The following PCDHA2 variants were observed in gnomAD, a reference collection of about 807,000 sequenced individuals.
PCDHA2 encodes the protein protocadherin alpha-2.
PCDHA2 carries 58 observed loss-of-function variants against 66.0 expected under a neutral mutation model. That is an observed-to-expected ratio of 0.88 (90% confidence interval 0.71 to 1.09). PCDHA2 has a LOEUF of 1.09. Ranked by LOEUF, PCDHA2 falls within the 50% of genes least tolerant of loss-of-function variation. The pLI is 0.00. For missense variants in PCDHA2, 1,267 were observed against 1,242.3 expected, an observed-to-expected ratio of 1.02 and a Z score of -0.30; for synonymous variants, 634 against 554.0, an observed-to-expected ratio of 1.14 and a Z score of -2.03.
intron 1 of PCDHA2, chr5:140,807,095 G>A: frequency 7.2e-7 from 1 of 1,383,826 alleles, no homozygotes; most frequent in Non-Finnish European, 9.9e-7. Context: ...TCTGAAATAT[G>A]GAGGATGCAG....
intron 1 of PCDHA2, chr5:140,822,891 C>T: frequency 6.2e-7 from 1 of 1,614,226 alleles, no homozygotes; most frequent in South Asian, 1.1e-5. Context: ...CTCTGATCAG[C>T]GTGTCTGACC....
At chr5:140,871,246 C>T (rs782203109) in intron 1 of PCDHA2, 2 of 1,613,982 alleles carry the variant, frequency 1.2e-6, no homozygotes, top group Non-Finnish European at 1.7e-6. Context: ...ACTCACGCTG[C>T]TGCTGTATAC....
In PCDHA2 at chr5:140,982,530, C is replaced by G; in HGVS notation, c.2503C>G (p.Gln835Glu). The G allele has an allele frequency of 1.2e-6, 2 of 1,614,200 alleles. No homozygotes were observed. The highest frequency in any genetic ancestry group is 3.3e-5 in the Admixed American group (2 of 60,020). ...ILRAGPGGPDQQWPTVSSATP... is the reference protein window; with the variant it reads ...ILRAGPGGPDEQWPTVSSATP... ...ACGGGCTGGTCCAGGAGGGCCTGATCAGCAGTGGCCAACAGTATCCAGTGC... is the reference window on the plus strand; with the variant it reads ...ACGGGCTGGTCCAGGAGGGCCTGATGAGCAGTGGCCAACAGTATCCAGTGC... The change falls in exon 3 of 4, where the codon CAG (glutamine) becomes GAG (glutamate). Residue 835 changes from glutamine to glutamate, a missense_variant. By Grantham distance (29) the Gln-to-Glu change is conservative. Transcript: ENST00000526136.
chr5:140,982,224 A>T, intron 2 of PCDHA2: 1 of 587,320 alleles, frequency 1.7e-6, no homozygotes, highest in South Asian at 3.8e-5. Context: ...TGGCGTTAAT[A>T]AAAAACAGAA....
Position 140,857,690 on chromosome 5 carries a change from T to G in PCDHA2, c.2388+60338T>G, listed in dbSNP as rs184684054. On this transcript the variant is annotated intron_variant, in intron 1 of 3. Transcript: ENST00000526136. ...GGGCGTGCCGCCTCTGGGCAGCAAC[T>G]TGACGCTGCAGGTGTTCGTGCTGGA... 2.4e-3 allele frequency: 3,841 copies of G among 1,597,044 alleles called. 312 individuals are homozygous for G. In the African/African-American group the frequency reaches 0.036, roughly 15 times the overall value.
At chr5:140,929,555 C>A in intron 1 of PCDHA2, 1 of 485,752 alleles carries the variant, frequency 2.1e-6, no homozygotes, top group Non-Finnish European at 3.5e-6. Context: ...AAATTAAAAC[C>A]TATTTAAGAA....
chr5:140,830,593 A>G lies in PCDHA2; in HGVS notation c.2388+33241A>G, dbSNP rs1771152792. 4.2e-6 allele frequency: 3 copies of G among 705,892 alleles called. No individual in the cohort carries two copies. The South Asian group carries it at 1.3e-4, about 30-fold the overall frequency. The allele number at this position is 705,892 out of a possible 1,614,324, so 43.7% of individuals were successfully genotyped here. A position where few individuals can be genotyped will look rare whatever the true frequency, so the allele number is the denominator to read the frequency against. ...TTTTTAATTTTTAATTAATTTTACA[A>G]AATTACATATTTTCATTTTATTGTG... On this transcript the variant is annotated intron_variant, in intron 1 of 3. Coordinates refer to ENST00000526136, the MANE Select transcript of PCDHA2 (RefSeq NM_018905.3).
Position 140,803,182 on chromosome 5 carries a change from C to T in PCDHA2, c.2388+5830C>T, listed in dbSNP as rs17844261. Reference sequence around the variant, plus strand: ...CACGGTGAACCCTCATTGACCGCCACGGCCACTGTGCTGGTGTCGCTGGTG... The same window carrying T: ...CACGGTGAACCCTCATTGACCGCCATGGCCACTGTGCTGGTGTCGCTGGTG... On this transcript the variant is annotated intron_variant, in intron 1 of 3. Coordinates refer to ENST00000526136, the MANE Select transcript of PCDHA2 (RefSeq NM_018905.3). The T allele has an allele frequency of 2.7e-4, 440 of 1,613,916 alleles. 3 individuals carry two copies. In the East Asian group the frequency reaches 9.4e-3, roughly 34 times the overall value.
chr5:140,914,769 T>C (rs2076832006), intron 1 of PCDHA2, among the ~76,000 whole-genome samples: 1 of 152,160 alleles, frequency 6.6e-6, no homozygotes, highest in South Asian at 2.1e-4. Flanking sequence ...ATGAGGTTTA[T>C]GACTTATCTT....
chr5:140,991,733 A>T (rs1360500460), intron 3 of PCDHA2, among the ~76,000 whole-genome samples: 1 of 152,136 alleles, frequency 6.6e-6, no homozygotes, highest in African/African-American at 2.4e-5. Flanking sequence ...TGTTCAAGGT[A>T]ATGTAGGCTC....
Position 140,857,251 on chromosome 5 carries a change from G to T in PCDHA2, c.2388+59899G>T, listed in dbSNP as rs1554149715. The T allele has an allele frequency of 1.9e-6, 3 of 1,598,606 alleles. No individual in the cohort carries two copies. In the Admixed American group the frequency reaches 5.1e-5, roughly 27 times the overall value. ...CGTTCAAGCTGGTGTCCACCTACAA[G>T]AATTACTACTCATTGGTGCTGGACA... is the stretch of plus-strand genomic sequence containing the variant. On this transcript the variant is annotated intron_variant, in intron 1 of 3. Coordinates refer to ENST00000526136, the MANE Select transcript of PCDHA2 (RefSeq NM_018905.3).
chr5:140,834,601 A>T (rs1377152360), intron 1 of PCDHA2: 1 of 1,613,930 alleles, frequency 6.2e-7, no homozygotes, highest in Non-Finnish European at 8.5e-7. Flanking sequence ...TTCCGTGGGG[A>T]TCTTCTGGAG....
chr5:140,807,873 T>C, intron 1 of PCDHA2: 2 of 1,614,088 alleles, frequency 1.2e-6, no homozygotes, highest in Non-Finnish European at 1.7e-6. Context: ...GTTCAGTTAC[T>C]CATCACAGTA....
intron 3 of PCDHA2, among the ~76,000 whole-genome samples, chr5:140,986,867 C>A (rs1238623584): frequency 6.6e-6 from 1 of 152,140 alleles, no homozygotes; most frequent in Non-Finnish European, 1.5e-5. Flanking sequence ...TACCCGGAAA[C>A]TTGTTAGAAA....
At position 140,794,930 on chromosome 5, in the gene PCDHA2, C is replaced by G. The variant is rs782425445; in HGVS notation, c.-35C>G. 1 of 1,559,582 alleles carries G rather than the reference C, an allele frequency of 6.4e-7. No individual in the cohort carries two copies. Among genetic ancestry groups the G allele is most frequent in the African/African-American group, 1.4e-5 (1 of 72,348 alleles). Reference sequence around the variant, plus strand: ...AATATTTAAATTTTTGCAAAACATGCTCTTCTAATTTGATCAAAACATTGA... The same window carrying G: ...AATATTTAAATTTTTGCAAAACATGGTCTTCTAATTTGATCAAAACATTGA... On this transcript the variant is annotated 5_prime_UTR_variant, in exon 1 of 4. Coordinates refer to ENST00000526136, the MANE Select transcript of PCDHA2 (RefSeq NM_018905.3).
At chr5:140,882,884 C>T (rs782007101) in intron 1 of PCDHA2, 3 of 1,614,184 alleles carry the variant, frequency 1.9e-6, no homozygotes, top group Middle Eastern at 3.3e-4. Context: ...AGAGGAAATT[C>T]AGGAACATAG....
intron 1 of PCDHA2, chr5:140,814,690 G>A (rs1224491954): frequency 6.6e-6 from 1 of 152,090 alleles, no homozygotes; most frequent in African/African-American, 2.4e-5. Context: ...ACAACATTAT[G>A]ACTGCTACAT....
intron 1 of PCDHA2, chr5:140,850,644 C>G: frequency 6.3e-7 from 1 of 1,598,664 alleles, no homozygotes; most frequent in Non-Finnish European, 8.6e-7. Flanking sequence ...CACGCTGCTG[C>G]TGTACACTGT....
intron 1 of PCDHA2, among the ~76,000 whole-genome samples, chr5:140,944,481 T>C (rs1441639137): frequency 1.3e-5 from 2 of 152,106 alleles, no homozygotes; most frequent in Admixed American, 6.5e-5. Flanking sequence ...GGCACTGGAC[T>C]GAGGCTTCTT....
Sources: allele counts gnomAD v4.1 joint callset (sites outside exome capture counted in the v4.1 genomes callset), GRCh38; gene constraint gnomAD v4.1.1; transcripts MANE v1.5; gene names NCBI Gene and HGNC (gene_info 2026-07-23, HGNC 2026-07-21).